CS: variants seen among roughly 807,000 people sequenced by gnomAD.
CS encodes the protein citrate synthase, also known as citrate synthase, mitochondrial.
CS carries 13 observed loss-of-function variants against 61.4 expected under a neutral mutation model. The ratio of observed to expected loss-of-function variants is 0.21; its 90% CI spans 0.14 to 0.34. The LOEUF (loss-of-function observed/expected upper bound fraction) is 0.34, where lower values mean the gene tolerates loss of function less well. Among genes scored for constraint, CS ranks in the 10% least tolerant of loss-of-function variants. The probability of loss-of-function intolerance (pLI) is 1.00; values close to 1 mark genes in which losing one functional copy is unlikely to be tolerated. For synonymous variants in CS, 159 were observed against 215.2 expected, an observed-to-expected ratio of 0.74 and a Z score of 2.29; for missense variants, 278 against 573.4, an observed-to-expected ratio of 0.48 and a Z score of 5.26.
intron 1 of CS, among the ~76,000 whole-genome samples, chr12:56,298,001 CT>C (rs1175895106): frequency 2.0e-5 from 3 of 151,816 alleles, no homozygotes; most frequent in South Asian, 2.1e-4. Flanking sequence ...CCCCCCCGCC[CT>C]TTTTTTTCTC....
At chr12:56,286,424 T>C in intron 2 of CS, 171 bp downstream of exon 2, 1 of 580,548 alleles carries the variant, frequency 1.7e-6, no homozygotes, top group Non-Finnish European at 3.0e-6. Context: ...GAGTAAATTA[T>C]TTGTTAAATA....
intron 1 of CS, chr12:56,298,659 C>T (rs1240055825): frequency 1.0e-6 from 1 of 985,296 alleles, no homozygotes; most frequent in East Asian, 1.1e-4. Flanking sequence ...CAAGCATCTC[C>T]CAAATGCTCA....
chr12:56,280,594 C>A (rs1229534642), intron 6 of CS, among the ~76,000 whole-genome samples: 1 of 151,520 alleles, frequency 6.6e-6, no homozygotes, highest in East Asian at 1.9e-4. Flanking sequence ...GCCACTGCAT[C>A]CTGGCCTGGG....
At chr12:56,289,284 G>A (rs1816774758) in intron 1 of CS, among the ~76,000 whole-genome samples, 1 of 152,120 alleles carries the variant, frequency 6.6e-6, no homozygotes, top group South Asian at 2.1e-4. Flanking sequence ...TCAAACTATT[G>A]TTCTACAGAG....
At chr12:56,285,861 T>C in intron 3 of CS, 55 bp downstream of exon 3, 1 of 1,374,658 alleles carries the variant, frequency 7.3e-7, no homozygotes, top group African/African-American at 1.4e-5. Context: ...AATGTTACTT[T>C]TGTTGAAGCA....
intron 1 of CS, among the ~76,000 whole-genome samples, chr12:56,287,024 A>C (rs1872959764): frequency 6.6e-6 from 1 of 152,166 alleles, no homozygotes; most frequent in Admixed American, 6.6e-5. Flanking sequence ...ACAGCACTTC[A>C]ACCTCTCTAA....
At chr12:56,291,078 A>G in intron 1 of CS, 1 of 337,190 alleles carries the variant, frequency 3.0e-6, no homozygotes, top group Non-Finnish European at 5.4e-6. Flanking sequence ...CATTTCTAAA[A>G]TGGTAATAAT....
At position 56,284,087 on chromosome 12, in the gene CS, G is replaced by A. The variant is rs370309516; in HGVS notation, c.202-230C>T. Among the ~76,000 whole-genome samples the A allele has an allele frequency of 3.0e-4, 46 of 151,994 alleles. No individual in the cohort carries two copies. The East Asian group carries it at 5.8e-3, about 19-fold the overall frequency. Reference sequence around the variant, plus strand: ...TGTAATCCCAGCACTTTGGGAAGCCGAGGCAGGTGGATCACCTGAGGTCAG... The same window carrying A: ...TGTAATCCCAGCACTTTGGGAAGCCAAGGCAGGTGGATCACCTGAGGTCAG... On this transcript the variant is annotated intron_variant, in intron 3 of 10. Transcript: ENST00000351328.
chr12:56,275,579 A>AG (rs1198526356), intron 7 of CS: 1 of 199,752 alleles, frequency 5.0e-6, no homozygotes, highest in Non-Finnish European at 1.0e-5. Flanking sequence ...TAAAAAAAAA[A>AG]AAAAAAAAAA....
rs989651729 is a variant in CS, at chr12:56,293,891, C to T, written c.42+6269G>A. On this transcript the variant is annotated intron_variant, in intron 1 of 10. Coordinates refer to ENST00000351328, the MANE Select transcript of CS (RefSeq NM_004077.3). ...CACTAATAACCAGTAGGAAAAAATC[C>T]TGTACTACAGACACTTCCAATGCAG... 5.3e-5 allele frequency among the ~76,000 whole-genome samples: 8 copies of T among 152,178 alleles called. No individual in the cohort carries two copies. The East Asian group carries it at 1.3e-3, about 26-fold the overall frequency.
At chr12:56,297,545 T>C (rs964762468) in intron 1 of CS, among the ~76,000 whole-genome samples, 7 of 151,996 alleles carry the variant, frequency 4.6e-5, no homozygotes, top group African/African-American at 1.7e-4. Flanking sequence ...CTACCAAAAA[T>C]ACAAAAAATT....
Position 56,291,307 on chromosome 12 carries a change from C to G in CS, c.43-4662G>C, listed in dbSNP as rs562678789. ...GAGGTGAATGGATAATTCCTTCCAGCTGTGGAATACAAAATAAAGTCCCAA... is the reference window on the plus strand; with the variant it reads ...GAGGTGAATGGATAATTCCTTCCAGGTGTGGAATACAAAATAAAGTCCCAA... On this transcript the variant is annotated intron_variant, in intron 1 of 10. Coordinates refer to ENST00000351328, the MANE Select transcript of CS (RefSeq NM_004077.3). The G allele has an allele frequency of 6.1e-6, 6 of 990,580 alleles. No homozygotes were observed. The East Asian group carries it at 5.7e-4, about 93-fold the overall frequency. The allele number at this position is 990,580 out of a possible 1,614,324, so 61.4% of individuals were successfully genotyped here.
At position 56,272,014 on chromosome 12, in the gene CS, A is replaced by G; in HGVS notation, c.*1070T>C. 2.4e-6 allele frequency: 1 copy of G among 419,874 alleles called. No individual in the cohort carries two copies. The highest frequency in any genetic ancestry group is 7.3e-5 in the East Asian group (1 of 13,718). 26.0% of individuals were successfully genotyped at this position (419,874 alleles called of 1,614,324 possible). A position where few individuals can be genotyped will look rare whatever the true frequency, so the allele number is the denominator to read the frequency against. ...AAAAGATGTTGATAAATAAGGAGGCAATTTCTTGAGGCAGGGGACGAGGAG... is the reference window on the plus strand; with the variant it reads ...AAAAGATGTTGATAAATAAGGAGGCGATTTCTTGAGGCAGGGGACGAGGAG... On this transcript the variant is annotated 3_prime_UTR_variant, in exon 11 of 11. Coordinates refer to ENST00000351328, the MANE Select transcript of CS (RefSeq NM_004077.3).
At chr12:56,280,414 CCCA>C (rs1215587530) in intron 6 of CS, among the ~76,000 whole-genome samples, 2 of 7,108 alleles carry the variant, frequency 2.8e-4, no homozygotes, top group Non-Finnish European at 0.048. Flanking sequence ...GACACCGTCT[CCCA>C]AAAAAAACAA....
chr12:56,283,279 T>C (rs1018408836), intron 4 of CS, among the ~76,000 whole-genome samples: 3 of 152,154 alleles, frequency 2.0e-5, no homozygotes, highest in African/African-American at 7.2e-5. Flanking sequence ...AGTCTCACAC[T>C]GTCGCCCAGG....
At position 56,289,422 on chromosome 12, in the gene CS, G is replaced by T. The variant is rs938931925; in HGVS notation, c.43-2777C>A. On this transcript the variant is annotated intron_variant, in intron 1 of 10. Transcript: ENST00000351328. ...ATTGAGGGTGGTTGTTTGCTGTGGT[G>T]ATTTTTTTTTAAATTTAATTTAATT... Among the ~76,000 whole-genome samples the T allele has an allele frequency of 2.7e-5, 4 of 148,308 alleles. No homozygotes were observed. The East Asian group carries it at 9.2e-4, about 34-fold the overall frequency.
chr12:56,282,821 A>C, intron 5 of CS, 39 bp downstream of exon 5: 1 of 1,610,362 alleles, frequency 6.2e-7, no homozygotes, highest in South Asian at 1.1e-5. Context: ...GCAATGAAGA[A>C]GGGGAATGAG....
chr12:56,292,183 G>T (rs921591151), intron 1 of CS, among the ~76,000 whole-genome samples: 3 of 152,056 alleles, frequency 2.0e-5, no homozygotes, highest in African/African-American at 7.2e-5. Context: ...AGATCACGGG[G>T]TCAGGAGATC....
In CS at chr12:56,283,001, GGA is replaced by G. The variant is rs773439199; in HGVS notation, c.268-12_268-11del. ...CTCGGAAACGGATGCCCTTGAGAGA[GGA>G]GAGAGAGAATTACAACTCAAGTTTA... On this transcript the variant is annotated splice_polypyrimidine_tract_variant and intron_variant, in intron 4 of 10. Transcript: ENST00000351328. 9 of 1,613,862 alleles carry G rather than the reference GGA, an allele frequency of 5.6e-6. No homozygotes were observed. Among genetic ancestry groups the G allele is most frequent in the East Asian group, 4.5e-5 (2 of 44,872 alleles).
Sources: gnomAD v4.1 joint callset for allele counts (sites outside exome capture counted in the v4.1 genomes callset) on GRCh38, gnomAD v4.1.1 for gene constraint, MANE v1.5 for transcripts, NCBI Gene and HGNC (gene_info 2026-07-23, HGNC 2026-07-21) for gene names.